LYRM4: variants seen among roughly 807,000 people sequenced by gnomAD.
LYRM4 encodes LYR motif-containing protein 4.
In LYRM4, 9 loss-of-function variants were observed where a neutral mutation model predicts 11.7. The ratio of observed to expected loss-of-function variants is 0.77; its 90% CI spans 0.46 to 1.34. LYRM4 has a LOEUF of 1.34. LYRM4 is among the 40% of genes most tolerant of loss of function. The probability of loss-of-function intolerance (pLI) is 0.00; values close to 1 mark genes in which losing one functional copy is unlikely to be tolerated. For synonymous variants in LYRM4, 42 were observed against 40.4 expected (o/e 1.04, Z -0.15); for missense variants, 133 against 112.5 (o/e 1.18, Z -0.82).
In LYRM4 at chr6:5,216,611, A is replaced by C. The variant is rs1416929320; in HGVS notation, c.207+7T>G. ...ATGAAAAACAGTACATCATTGAACCATCTTACCTGTCGACGAATTACTCCA... is the reference window on the plus strand; with the variant it reads ...ATGAAAAACAGTACATCATTGAACCCTCTTACCTGTCGACGAATTACTCCA... On this transcript the variant is annotated splice_region_variant and intron_variant, in intron 2 of 2. Coordinates refer to ENST00000330636, the MANE Select transcript of LYRM4 (RefSeq NM_020408.6). 7 of 1,613,928 alleles carry C rather than the reference A, an allele frequency of 4.3e-6. No individual in the cohort carries two copies. The highest frequency in any genetic ancestry group is 5.1e-6 in the Non-Finnish European group (6 of 1,180,020).
At chr6:5,251,383 G>A (rs1200860613) in intron 1 of LYRM4, among the ~76,000 whole-genome samples, 2 of 152,144 alleles carry the variant, frequency 1.3e-5, no homozygotes, top group East Asian at 1.9e-4. Flanking sequence ...GAAGAAAAGA[G>A]GTTTAATTGG....
the LYRM4 span, among the ~76,000 whole-genome samples, chr6:5,059,378 G>A: frequency 6.9e-6 from 1 of 144,956 alleles, no homozygotes; most frequent in East Asian, 2.0e-4. Context: ...GTGTACATAA[G>A]AAGCACACTC....
chr6:5,233,080 CCAG>C (rs1480603245), intron 1 of LYRM4, among the ~76,000 whole-genome samples: 2 of 152,236 alleles, frequency 1.3e-5, no homozygotes, highest in African/African-American at 4.8e-5. Flanking sequence ...AGCCCCATCC[CCAG>C]CATTCAGTAT....
the LYRM4 span, among the ~76,000 whole-genome samples, chr6:5,094,228 C>A: frequency 3.9e-3 from 599 of 152,228 alleles, 3 homozygotes; most frequent in African/African-American, 0.014. Flanking sequence ...ATGCCTGTAA[C>A]CCCAGCACTT....
intron 1 of LYRM4, among the ~76,000 whole-genome samples, chr6:5,255,612 T>C (rs1764629594): frequency 6.6e-6 from 1 of 152,188 alleles, no homozygotes; most frequent in Non-Finnish European, 1.5e-5. Flanking sequence ...AAGAACCACA[T>C]TCTTAAACTT....
At chr6:5,224,904 G>A (rs1025571645) in intron 1 of LYRM4, among the ~76,000 whole-genome samples, 3 of 152,090 alleles carry the variant, frequency 2.0e-5, no homozygotes, top group African/African-American at 7.2e-5. Context: ...AGGTTGCAAT[G>A]AGCCGAGATT....
At chr6:5,113,733 CTCTTT>C (rs1561804496) in intron 2 of LYRM4, among the ~76,000 whole-genome samples, 1 of 52,186 alleles carries the variant, frequency 1.9e-5, no homozygotes, top group African/African-American at 9.4e-5. Flanking sequence ...TTTTCTCTCT[CTCTTT>C]TTTTTTTTTT....
the LYRM4 span, among the ~76,000 whole-genome samples, chr6:5,090,752 C>T: frequency 2.0e-5 from 3 of 152,174 alleles, no homozygotes; most frequent in African/African-American, 7.2e-5. The surrounding 1 kb of genome is among the most constrained non-coding windows in gnomAD (Gnocchi z 4.8). Context: ...CCTTCCTGCT[C>T]AGTTCATTTT....
At chr6:5,125,339 C>T (rs1321055427) in intron 2 of LYRM4, among the ~76,000 whole-genome samples, 3 of 152,190 alleles carry the variant, frequency 2.0e-5, no homozygotes, top group African/African-American at 7.2e-5. Context: ...TGGCCTATCA[C>T]ATGCTTTGGT....
At chr6:5,094,665 C>A in the LYRM4 span, among the ~76,000 whole-genome samples, 1 of 152,288 alleles carries the variant, frequency 6.6e-6, no homozygotes, top group South Asian at 2.1e-4. Flanking sequence ...CAGGGTAATT[C>A]TATCCTTGTG....
the LYRM4 span, among the ~76,000 whole-genome samples, chr6:5,051,908 CTTTT>C: frequency 2.6e-5 from 4 of 152,128 alleles, no homozygotes; most frequent in Non-Finnish European, 5.9e-5. Flanking sequence ...ATACCAGGCT[CTTTT>C]TAACAACCAA....
intron 1 of LYRM4, among the ~76,000 whole-genome samples, chr6:5,226,907 A>T (rs1762927657): frequency 6.6e-6 from 1 of 152,224 alleles, no homozygotes. Context: ...ACAATAAGGA[A>T]AAATCAGTAG....
intron 2 of LYRM4, among the ~76,000 whole-genome samples, chr6:5,212,700 G>C (rs999851740): frequency 6.6e-6 from 1 of 152,216 alleles, no homozygotes; most frequent in Non-Finnish European, 1.5e-5. Flanking sequence ...AAAGGTAGAA[G>C]AATGTCTCTG....
At chr6:5,241,738 A>T (rs2127757320) in intron 1 of LYRM4, among the ~76,000 whole-genome samples, 1 of 152,332 alleles carries the variant, frequency 6.6e-6, no homozygotes. Context: ...AGCTCAGTAA[A>T]CATTTGTTAA....
At chr6:5,152,893 A>G (rs938802527) in intron 2 of LYRM4, among the ~76,000 whole-genome samples, 5 of 152,242 alleles carry the variant, frequency 3.3e-5, no homozygotes, top group African/African-American at 7.2e-5. Context: ...TGAGAAAGGC[A>G]TAAGGGTGGC....
At chr6:5,088,994 G>A in the LYRM4 span, 1 of 152,212 alleles carries the variant, frequency 6.6e-6, no homozygotes, top group African/African-American at 2.4e-5. Context: ...GAAGTATTTA[G>A]TTTGAACTTT....
At chr6:5,198,176 C>G (rs1437961308) in intron 2 of LYRM4, among the ~76,000 whole-genome samples, 1 of 152,046 alleles carries the variant, frequency 6.6e-6, no homozygotes, top group South Asian at 2.1e-4. Context: ...CCAGCCTGGG[C>G]AACAAGAGTG....
chr6:5,135,877 C>A (rs2127618052), intron 2 of LYRM4, among the ~76,000 whole-genome samples: 1 of 152,296 alleles, frequency 6.6e-6, no homozygotes, highest in East Asian at 1.9e-4. Context: ...CATTTTCCTC[C>A]ACTGAAACCC....
the LYRM4 span, among the ~76,000 whole-genome samples, chr6:5,062,356 G>A: frequency 2.7e-5 from 4 of 149,754 alleles, no homozygotes; most frequent in East Asian, 7.8e-4. Context: ...TTAGAGACAG[G>A]GTTCACTGTG....
Sources: gnomAD v4.1 joint callset for allele counts (sites outside exome capture counted in the v4.1 genomes callset) on GRCh38, gnomAD v4.1.1 for gene constraint, Gnocchi (gnomAD v3.1) non-coding constraint, MANE v1.5 for transcripts, NCBI Gene and HGNC (gene_info 2026-07-23, HGNC 2026-07-21) for gene names.